WIPF2: variants seen among roughly 807,000 people sequenced by gnomAD.
WIPF2 encodes WAS/WASL interacting protein family member 2.
WIPF2 carries 23 observed loss-of-function variants against 38.8 expected under a neutral mutation model. The observed-to-expected ratio is 0.59, with a 90% CI of 0.43 to 0.84. The LOEUF (loss-of-function observed/expected upper bound fraction) is 0.84, where lower values mean the gene tolerates loss of function less well. Ranked by LOEUF, WIPF2 falls within the 40% of genes least tolerant of loss-of-function variation. WIPF2 has a pLI of 0.00. For missense variants in WIPF2, 574 were observed against 580.5 expected (o/e 0.99, Z 0.11); for synonymous variants, 210 against 223.2 (o/e 0.94, Z 0.53).
rs531689245 is a variant in WIPF2 at position 40,234,435 on chromosome 17, A to G, written c.-70+14943A>G. On this transcript the variant is annotated intron_variant, in intron 1 of 7. Transcript: ENST00000323571. ...TGACAGAGTGAGACTCTGTCTCAAA[A>G]CAAACAAACAAACAAACAAAAAAAA... Among the ~76,000 whole-genome samples, 68 of 151,752 alleles carry G rather than the reference A, an allele frequency of 4.5e-4. 1 individual carries two copies. Among genetic ancestry groups the G allele is most frequent in the African/African-American group, 1.6e-3 (65 of 41,390 alleles).
rs141316575 is a variant in WIPF2, at chr17:40,228,965, C to T, written c.-70+9473C>T. Among the ~76,000 whole-genome samples the T allele has an allele frequency of 5.7e-3, 859 of 151,512 alleles. 6 individuals carry two copies. Among genetic ancestry groups the T allele is most frequent in the African/African-American group, 0.02 (832 of 41,328 alleles). On this transcript the variant is annotated intron_variant, in intron 1 of 7. Transcript: ENST00000323571. Reference sequence around the variant, plus strand: ...TTTTTTTTTTAGACAAGGTTTCATTCCCATCTTGGCTCACTGCGACCTCCA... The same window carrying T: ...TTTTTTTTTTAGACAAGGTTTCATTTCCATCTTGGCTCACTGCGACCTCCA...
intron 5 of WIPF2, among the ~76,000 whole-genome samples, chr17:40,271,266 A>G (rs113078935): frequency 1.1e-4 from 16 of 152,162 alleles, no homozygotes; most frequent in African/African-American, 1.4e-4. Context: ...GTGAGCCACT[A>G]TGCCTAGCCA....
chr17:40,239,545 A>T (rs976928499), intron 1 of WIPF2, among the ~76,000 whole-genome samples: 2 of 151,990 alleles, frequency 1.3e-5, no homozygotes, highest in Non-Finnish European at 2.9e-5. Flanking sequence ...CTGGCTGCCA[A>T]TGTTTTTGGA....
At position 40,273,987 on chromosome 17, in the gene WIPF2, C is replaced by T. The variant is rs138438056; in HGVS notation, c.1168C>T (p.Arg390Trp). 1.5e-5 allele frequency: 23 copies of T among 1,551,942 alleles called. No individual in the cohort carries two copies. The highest frequency in any genetic ancestry group is 4.1e-5 in the African/African-American group (3 of 72,344). Residue 390 changes from arginine (R) to tryptophan (W), a missense_variant, in exon 6 of 8, where the codon CGG becomes TGG. Coordinates refer to ENST00000323571, the MANE Select transcript of WIPF2 (RefSeq NM_133264.5). ...CCACAGAGATTCTATCACCACTGTC[C>T]GGTCTTTCTTGGGTGAGTAGCTAGC... Reference protein sequence around the residue: ...NGHRDSITTVRSFLDDFESKY... With the variant: ...NGHRDSITTVWSFLDDFESKY...
chr17:40,229,731 T>C (rs1168851732), intron 1 of WIPF2, among the ~76,000 whole-genome samples: 2 of 152,176 alleles, frequency 1.3e-5, no homozygotes, highest in African/African-American at 4.8e-5. Flanking sequence ...CCAAAGACAT[T>C]TATTAAACAA....
intron 7 of WIPF2, among the ~76,000 whole-genome samples, chr17:40,277,723 C>CT (rs528401568): frequency 0.06 from 5,851 of 97,614 alleles, 494 homozygotes; most frequent in Non-Finnish European, 0.079. Flanking sequence ...CTTCGTTGTC[C>CT]TTTTTTTTTT....
intron 1 of WIPF2, among the ~76,000 whole-genome samples, chr17:40,253,863 G>T (rs2031637416): frequency 6.6e-6 from 1 of 152,074 alleles, no homozygotes; most frequent in Non-Finnish European, 1.5e-5. Context: ...GTGGTTTTTG[G>T]TTTTATAGAA....
chr17:40,247,857 T>C (rs1360201367), intron 1 of WIPF2, among the ~76,000 whole-genome samples: 3 of 152,180 alleles, frequency 2.0e-5, no homozygotes, highest in Admixed American at 2.0e-4. Context: ...TGGGCCACCA[T>C]AGGGTTAAGT....
chr17:40,224,468 G>A (rs1180591224), intron 1 of WIPF2, among the ~76,000 whole-genome samples: 2 of 127,390 alleles, frequency 1.6e-5, no homozygotes, highest in Non-Finnish European at 3.2e-5. Context: ...AGGATGTCTT[G>A]ATCTCCTGAC....
intron 1 of WIPF2, among the ~76,000 whole-genome samples, chr17:40,247,632 G>A (rs967681509): frequency 2.7e-5 from 4 of 149,900 alleles, no homozygotes; most frequent in African/African-American, 9.9e-5. Context: ...AGTGATTCTC[G>A]TGCCTCAGCC....
At chr17:40,275,486 G>C (rs747899963) in intron 6 of WIPF2, among the ~76,000 whole-genome samples, 1 of 152,048 alleles carries the variant, frequency 6.6e-6, no homozygotes, top group Non-Finnish European at 1.5e-5. Context: ...AGTAAAGGTT[G>C]TCCATAGGCT....
intron 1 of WIPF2, among the ~76,000 whole-genome samples, chr17:40,233,760 C>T (rs1304640173): frequency 2.6e-5 from 4 of 151,824 alleles, no homozygotes; most frequent in Non-Finnish European, 5.9e-5. Flanking sequence ...GAAACCCCGT[C>T]TCTACTAAAA....
intron 6 of WIPF2, among the ~76,000 whole-genome samples, chr17:40,274,335 T>C (rs762966013): frequency 1.3e-4 from 20 of 152,098 alleles, no homozygotes; most frequent in Non-Finnish European, 2.4e-4. Context: ...ACAGGACTTA[T>C]GTATTCTCCT....
At chr17:40,240,285 G>A (rs2031142601) in intron 1 of WIPF2, among the ~76,000 whole-genome samples, 2 of 151,772 alleles carry the variant, frequency 1.3e-5, no homozygotes, top group Admixed American at 6.6e-5. Context: ...GGCTGGTCTC[G>A]AACCCTTGAG....
chr17:40,257,619 G>A (rs2031767655), intron 2 of WIPF2, among the ~76,000 whole-genome samples: 1 of 151,502 alleles, frequency 6.6e-6, no homozygotes, highest in South Asian at 2.1e-4. Flanking sequence ...GGTGACAAGC[G>A]CCTGTAATAC....
At chr17:40,229,661 A>T (rs187610691) in intron 1 of WIPF2, among the ~76,000 whole-genome samples, 1 of 152,130 alleles carries the variant, frequency 6.6e-6, no homozygotes. Context: ...ACCTCAAGTG[A>T]TCTTCCTGCC....
intron 1 of WIPF2, among the ~76,000 whole-genome samples, chr17:40,231,180 G>C (rs1437197311): frequency 6.6e-6 from 1 of 152,148 alleles, no homozygotes; most frequent in Non-Finnish European, 1.5e-5. Context: ...GATGGCTTAA[G>C]GGTATTAGAA....
Position 40,282,134 on chromosome 17 carries a change from AG to A in WIPF2, c.*3911del, listed in dbSNP as rs952878770. 5.3e-5 allele frequency: 8 copies of A among 150,472 alleles called. No individual in the cohort carries two copies. The highest frequency in any genetic ancestry group is 1.2e-4 in the African/African-American group (5 of 40,910). 9.3% of individuals were successfully genotyped at this position (150,472 alleles called of 1,614,324 possible). A position where few individuals can be genotyped will look rare whatever the true frequency, so the allele number is the denominator to read the frequency against. On this transcript the variant is annotated 3_prime_UTR_variant, in exon 8 of 8. Transcript: ENST00000323571. The stretch of plus-strand genomic sequence containing the variant: ...CGCAAAAAAAAAAAAAAAAAAAAAA[AG>A]GATAACTTTAACCGAAGGAAGGGTT...
At chr17:40,260,479 A>G in intron 2 of WIPF2, 56 bp from the exon 3 acceptor site, 1 of 1,595,286 alleles carries the variant, frequency 6.3e-7, no homozygotes, top group Non-Finnish European at 8.5e-7. Flanking sequence ...GAGCCACCGC[A>G]CCCGGCCGAT....
Sources: gnomAD v4.1 joint callset for allele counts (sites outside exome capture counted in the v4.1 genomes callset) on GRCh38, gnomAD v4.1.1 for gene constraint, MANE v1.5 for transcripts, NCBI Gene and HGNC (gene_info 2026-07-23, HGNC 2026-07-21) for gene names.